TNRC6B: variants seen among roughly 807,000 people sequenced by gnomAD.
TNRC6B encodes trinucleotide repeat-containing gene 6B protein.
A neutral mutation model predicts 203.6 loss-of-function variants in TNRC6B; 52 were observed. The observed-to-expected ratio is 0.26, with a 90% CI of 0.20 to 0.32. The LOEUF (loss-of-function observed/expected upper bound fraction) is 0.32, where lower values mean the gene tolerates loss of function less well. Ranked by LOEUF, TNRC6B falls within the 10% of genes least tolerant of loss-of-function variation. The probability of loss-of-function intolerance (pLI) is 1.00; values close to 1 mark genes in which losing one functional copy is unlikely to be tolerated. For missense variants in TNRC6B, 1,923 were observed against 2,286.2 expected (o/e 0.84, Z 3.24); for synonymous variants, 838 against 845.7 (o/e 0.99, Z 0.16).
At chr22:40,046,038 A>C (rs1481199071) in intron 1 of TNRC6B, among the ~76,000 whole-genome samples, 1 of 152,280 alleles carries the variant, frequency 6.6e-6, no homozygotes, top group African/African-American at 2.4e-5. Flanking sequence ...TTCATAGTGA[A>C]TAAAACAAGC....
At chr22:40,125,656 CA>C (rs1568990631) in intron 2 of TNRC6B, 1 of 631,798 alleles carries the variant, frequency 1.6e-6, no homozygotes, top group Admixed American at 3.3e-5. Context: ...CAAAGTTACT[CA>C]AAGTTACTTC....
intron 3 of TNRC6B, among the ~76,000 whole-genome samples, chr22:40,134,205 A>T (rs542262666): frequency 1.4e-4 from 22 of 152,296 alleles, no homozygotes; most frequent in South Asian, 6.2e-4. Context: ...ACAGTGGAGA[A>T]CCCTAAAGTC....
chr22:40,229,561 C>T (rs975969787), intron 1 of TNRC6B, among the ~76,000 whole-genome samples: 14 of 131,752 alleles, frequency 1.1e-4, no homozygotes, highest in Admixed American at 1.0e-3. Context: ...TTAATATGTC[C>T]TTCACCACCC....
At chr22:40,177,014 C>T (rs2069069054), upstream of TNRC6B, among the ~76,000 whole-genome samples, 1 of 152,164 alleles carries the variant, frequency 6.6e-6, no homozygotes, top group Non-Finnish European at 1.5e-5. Flanking sequence ...GACTTACTTA[C>T]TTGCTGTTAG....
chr22:40,055,064 G>A (rs2067781612), intron 1 of TNRC6B, among the ~76,000 whole-genome samples: 1 of 152,054 alleles, frequency 6.6e-6, no homozygotes, highest in Non-Finnish European at 1.5e-5. Flanking sequence ...TTATGCTTGG[G>A]CTTGACATGA....
At chr22:40,226,683 A>G (rs1043440465) in intron 1 of TNRC6B, among the ~76,000 whole-genome samples, 1 of 152,196 alleles carries the variant, frequency 6.6e-6, no homozygotes, top group Non-Finnish European at 1.5e-5. Flanking sequence ...CAAATGTATC[A>G]TTGTTTGAAT....
At chr22:40,262,777 C>T (rs925496996) in intron 4 of TNRC6B, among the ~76,000 whole-genome samples, 1 of 152,108 alleles carries the variant, frequency 6.6e-6, no homozygotes, top group African/African-American at 2.4e-5. Flanking sequence ...CGGTGGCTCA[C>T]GCCTGTAATC....
At chr22:40,216,267 C>T (rs532450499) in intron 1 of TNRC6B, among the ~76,000 whole-genome samples, 15 of 152,278 alleles carry the variant, frequency 9.9e-5, no homozygotes, top group Middle Eastern at 3.4e-3. Flanking sequence ...GTCTGTTCCC[C>T]GACCGCATGC....
chr22:40,319,070 C>G (rs1339758498), intron 21 of TNRC6B, among the ~76,000 whole-genome samples: 1 of 151,736 alleles, frequency 6.6e-6, no homozygotes, highest in Non-Finnish European at 1.5e-5. Context: ...GACGCTGTTT[C>G]AAAGAAAAAA....
intron 1 of TNRC6B, among the ~76,000 whole-genome samples, chr22:40,221,762 T>TC (rs1569026627): frequency 4.3e-5 from 2 of 46,682 alleles, no homozygotes; most frequent in Non-Finnish European, 9.7e-5. Context: ...CCCCCCCCCC[T>TC]TTTTTTTTTT....
intron 2 of TNRC6B, among the ~76,000 whole-genome samples, chr22:40,122,363 TA>T (rs1009951947): frequency 7.4e-5 from 11 of 148,568 alleles, no homozygotes; most frequent in Non-Finnish European, 9.0e-5. Flanking sequence ...GGGCCGGGCT[TA>T]AAAAAAAAAG....
chr22:40,294,620 A>G lies in TNRC6B; in HGVS notation c.3709-5835A>G, dbSNP rs117652291. The stretch of plus-strand genomic sequence containing the variant: ...GAGATGAATTTAGGATTCACACTGA[A>G]GGTGGTACATAAGATTTTATGGATC... On this transcript the variant is annotated intron_variant, in intron 12 of 22. Coordinates refer to ENST00000454349, the MANE Select transcript of TNRC6B (RefSeq NM_001162501.2). 9.0e-4 allele frequency among the ~76,000 whole-genome samples: 137 copies of G among 152,372 alleles called. 1 individual carries two copies. In the East Asian group the frequency reaches 0.024, roughly 26 times the overall value.
chr22:40,125,583 C>T (rs187856465), intron 2 of TNRC6B, among the ~76,000 whole-genome samples: 253 of 152,324 alleles, frequency 1.7e-3, no homozygotes, highest in Non-Finnish European at 2.8e-3. Flanking sequence ...AACATTCCCT[C>T]CCTGCTTCTC....
intron 3 of TNRC6B, among the ~76,000 whole-genome samples, chr22:40,146,226 A>G (rs1296515119): frequency 6.6e-6 from 1 of 152,206 alleles, no homozygotes; most frequent in African/African-American, 2.4e-5. Flanking sequence ...ACAGACAATA[A>G]GACACATGAA....
chr22:40,053,388 G>T (rs1440061160), intron 1 of TNRC6B, among the ~76,000 whole-genome samples: 1 of 152,142 alleles, frequency 6.6e-6, no homozygotes, highest in Non-Finnish European at 1.5e-5. Flanking sequence ...GGAGTCAAAA[G>T]TCCTGGATTC....
At chr22:40,174,205 C>G (rs940910908), upstream of TNRC6B, among the ~76,000 whole-genome samples, 3 of 151,622 alleles carry the variant, frequency 2.0e-5, no homozygotes, top group African/African-American at 2.4e-5. Context: ...GCTCTATTGC[C>G]CCAGCTGGAG....
rs1232210346 is a variant in TNRC6B, at chr22:40,087,480, C to G, written c.-120-29575C>G. Among the ~76,000 whole-genome samples the G allele has an allele frequency of 6.3e-4, 96 of 152,070 alleles. 1 individual carries two copies. Among genetic ancestry groups the G allele is most frequent in the Admixed American group, 6.2e-3 (95 of 15,260 alleles). On this transcript the variant is annotated intron_variant, in intron 1 of 23. Transcript: ENST00000301923. ...TAAGAAACACACATGCTAAACTGAC[C>G]ATTTTCTAGTGGGAGAAAGACAATT...
intron 1 of TNRC6B, among the ~76,000 whole-genome samples, chr22:40,243,059 T>C (rs1036063281): frequency 1.3e-5 from 2 of 151,720 alleles, no homozygotes; most frequent in African/African-American, 4.8e-5. Context: ...TTAGTAGAGA[T>C]GGGGTTTCAC....
chr22:40,180,095 T>A (rs1403020262), intron 1 of TNRC6B, among the ~76,000 whole-genome samples: 2 of 152,200 alleles, frequency 1.3e-5, no homozygotes, highest in African/African-American at 4.8e-5. Flanking sequence ...GTCTCTAAAT[T>A]TTTTTACGGC....
Sources: allele counts gnomAD v4.1 joint callset (sites outside exome capture counted in the v4.1 genomes callset), GRCh38; gene constraint gnomAD v4.1.1; transcripts MANE v1.5; gene names NCBI Gene and HGNC (gene_info 2026-07-23, HGNC 2026-07-21).